MIR2052HG: variants seen among roughly 807,000 people sequenced by gnomAD.
The protein encoded by MIR2052HG is MIR2052 host gene.
chr8:74,603,370 C>G, intron 1 of MIR2052HG: 2 of 1,611,316 alleles, frequency 1.2e-6, no homozygotes, highest in South Asian at 2.2e-5. Flanking sequence ...GGCAGCAGAT[C>G]CAGTGATGGT....
At chr8:74,630,554 G>T (rs1009967366) in intron 2 of MIR2052HG, among the ~76,000 whole-genome samples, 76 of 149,178 alleles carry the variant, frequency 5.1e-4, no homozygotes, top group African/African-American at 1.8e-3. Context: ...AGAAAAAAGG[G>T]CAATCCAGCT....
At chr8:74,662,667 T>C (rs1343476237) in intron 2 of MIR2052HG, among the ~76,000 whole-genome samples, 1 of 152,206 alleles carries the variant, frequency 6.6e-6, no homozygotes, top group African/African-American at 2.4e-5. Flanking sequence ...GGATAATTGC[T>C]ATTTAAGTTA....
chr8:74,717,366 A>G (rs1331576822), intron 4 of MIR2052HG, among the ~76,000 whole-genome samples: 4 of 152,188 alleles, frequency 2.6e-5, no homozygotes, highest in Non-Finnish European at 5.9e-5. Context: ...ATAGTATTCC[A>G]TGGTATATAT....
At chr8:74,665,136 T>C (rs993180524) in intron 2 of MIR2052HG, among the ~76,000 whole-genome samples, 1 of 152,190 alleles carries the variant, frequency 6.6e-6, no homozygotes, top group African/African-American at 2.4e-5. Flanking sequence ...TCTCTACACT[T>C]ACCATCTTCT....
At chr8:74,640,138 T>A (rs1201047565) in intron 2 of MIR2052HG, among the ~76,000 whole-genome samples, 1 of 152,144 alleles carries the variant, frequency 6.6e-6, no homozygotes, top group Non-Finnish European at 1.5e-5. Context: ...CTTCTCAACA[T>A]GGAGCTTCTC....
At chr8:74,742,012 G>A (rs2128755814) in intron 4 of MIR2052HG, among the ~76,000 whole-genome samples, 1 of 152,270 alleles carries the variant, frequency 6.6e-6, no homozygotes, top group South Asian at 2.1e-4. Context: ...AGAGTGCTGT[G>A]AGTATCCATT....
intron 2 of MIR2052HG, chr8:74,625,480 A>G (rs888394105): frequency 3.3e-5 from 5 of 152,238 alleles, no homozygotes; most frequent in Non-Finnish European, 5.9e-5. Context: ...AATTATAAAA[A>G]CTAAAATGTA....
At chr8:74,624,664 C>T (rs576218245) in intron 2 of MIR2052HG, among the ~76,000 whole-genome samples, 15 of 152,266 alleles carry the variant, frequency 9.9e-5, no homozygotes, top group South Asian at 2.1e-4. Context: ...GCTGAAATTT[C>T]GATTTTTAGA....
intron 2 of MIR2052HG, among the ~76,000 whole-genome samples, chr8:74,651,376 G>A (rs954806793): frequency 1.3e-5 from 2 of 152,096 alleles, no homozygotes; most frequent in Non-Finnish European, 2.9e-5. Context: ...ATGGTTAGAA[G>A]TCTGTATGAA....
chr8:74,713,751 T>C (rs1276819676), intron 4 of MIR2052HG, among the ~76,000 whole-genome samples: 1 of 152,166 alleles, frequency 6.6e-6, no homozygotes, highest in African/African-American at 2.4e-5. Flanking sequence ...TAAATTTGCA[T>C]TATAAATTTT....
rs1453120629 is a variant in MIR2052HG at position 74,603,609 on chromosome 8, G to C, written n.128+3701G>C. 12 of 1,522,710 alleles carry C rather than the reference G, an allele frequency of 7.9e-6. No individual in the cohort carries two copies. In the South Asian group the frequency reaches 1.2e-4, roughly 16 times the overall value. 94.3% of individuals were successfully genotyped at this position (1,522,710 alleles called of 1,614,324 possible). On this transcript the variant is annotated intron_variant and non_coding_transcript_variant, in intron 1 of 6. Transcript: ENST00000523442. ...AATGAGACTGTTGCATTGCCAACTGGTGCAGCATGGTCAAATCTGGCTGTG... is the reference window on the plus strand; with the variant it reads ...AATGAGACTGTTGCATTGCCAACTGCTGCAGCATGGTCAAATCTGGCTGTG...
chr8:74,662,375 A>G (rs1344517595), intron 2 of MIR2052HG, among the ~76,000 whole-genome samples: 8 of 150,058 alleles, frequency 5.3e-5, no homozygotes, highest in Non-Finnish European at 1.0e-4. Context: ...CATAAGAAGT[A>G]GGATTCTAAT....
At chr8:74,623,149 C>T (rs1808387128) in intron 2 of MIR2052HG, among the ~76,000 whole-genome samples, 2 of 152,112 alleles carry the variant, frequency 1.3e-5, no homozygotes, top group South Asian at 2.1e-4. Context: ...TTAGTGTTCT[C>T]ATCACAAAAA....
rs190770405 is a variant in MIR2052HG, at chr8:74,701,425, T to C, written n.217-954T>C. ...TGCTTCATTGTGCGGGGGTTGGAAG[T>C]CAATTGTATATTCCTTCTCCATACT... On this transcript the variant is annotated intron_variant and non_coding_transcript_variant, in intron 2 of 6. Coordinates refer to ENST00000523442, the Ensembl canonical transcript of MIR2052HG. 5.1e-3 allele frequency among the ~76,000 whole-genome samples: 782 copies of C among 152,128 alleles called. 7 individuals are homozygous for C. The highest frequency in any genetic ancestry group is 0.018 in the African/African-American group (740 of 41,502).
chr8:74,617,461 GTGT>G (rs1808300825), intron 2 of MIR2052HG, among the ~76,000 whole-genome samples: 1 of 19,440 alleles, frequency 5.1e-5, no homozygotes. Context: ...CATTGGGTGT[GTGT>G]GTGTGTGTGT....
At chr8:74,666,992 C>T (rs2194901) in intron 2 of MIR2052HG, among the ~76,000 whole-genome samples, 1 of 151,976 alleles carries the variant, frequency 6.6e-6, no homozygotes, top group Non-Finnish European at 1.5e-5. Context: ...TTCATCCTAG[C>T]GCCTTTCCTC....
chr8:74,705,832 G>A (rs114670652), intron 4 of MIR2052HG: 1,807 of 168,246 alleles, frequency 0.011, 39 homozygotes, highest in African/African-American at 0.041. Context: ...ATATATTTAC[G>A]ATAAAACTAG....
intron 2 of MIR2052HG, among the ~76,000 whole-genome samples, chr8:74,620,794 G>A (rs1808350765): frequency 6.6e-6 from 1 of 152,186 alleles, no homozygotes; most frequent in South Asian, 2.1e-4. Flanking sequence ...TTTCCCCATT[G>A]TCTTGGTGAT....
At chr8:74,682,529 T>C (rs2128739205) in intron 2 of MIR2052HG, among the ~76,000 whole-genome samples, 1 of 152,016 alleles carries the variant, frequency 6.6e-6, no homozygotes, top group East Asian at 1.9e-4. Context: ...GAAAAACATA[T>C]ACAACAGAAA....
Sources: gnomAD v4.1 joint callset for allele counts (sites outside exome capture counted in the v4.1 genomes callset) on GRCh38, gnomAD v4.1.1 for gene constraint, MANE v1.5 for transcripts, NCBI Gene and HGNC (gene_info 2026-07-23, HGNC 2026-07-21) for gene names.